The following LRRTM4 variants were observed in gnomAD, a reference collection of about 807,000 sequenced individuals.
LRRTM4 encodes leucine-rich repeat transmembrane neuronal protein 4.
A neutral mutation model predicts 47.6 loss-of-function variants in LRRTM4; 25 were observed. That is an observed-to-expected ratio of 0.53 (90% CI 0.38 to 0.73). The LOEUF (loss-of-function observed/expected upper bound fraction) is 0.73. Among genes scored for constraint, LRRTM4 ranks in the 30% least tolerant of loss-of-function variants. LRRTM4 has a pLI of 0.00. For missense variants in LRRTM4, 638 were observed against 713.4 expected, an observed-to-expected ratio of 0.89 and a Z score of 1.20; for synonymous variants, 311 against 269.5, an observed-to-expected ratio of 1.15 and a Z score of -1.51.
intron 3 of LRRTM4, among the ~76,000 whole-genome samples, chr2:76,929,621 G>C (rs898733102): frequency 6.6e-6 from 1 of 152,104 alleles, no homozygotes; most frequent in Non-Finnish European, 1.5e-5. Context: ...AAGTGAGAGA[G>C]TAGACATGTT....
intron 3 of LRRTM4, among the ~76,000 whole-genome samples, chr2:77,329,026 G>A (rs1218394249): frequency 1.3e-5 from 2 of 152,130 alleles, no homozygotes; most frequent in East Asian, 1.9e-4. Flanking sequence ...GATTTCATGC[G>A]TCTTGTCCGA....
chr2:77,378,968 T>C (rs149663008), intron 3 of LRRTM4, among the ~76,000 whole-genome samples: 1 of 152,304 alleles, frequency 6.6e-6, no homozygotes, highest in Admixed American at 6.5e-5. Context: ...TCATTATCAC[T>C]GAAAATGTTT....
intron 3 of LRRTM4, among the ~76,000 whole-genome samples, chr2:76,823,494 G>T (rs918701458): frequency 1.3e-5 from 2 of 151,280 alleles, no homozygotes; most frequent in African/African-American, 2.4e-5. Flanking sequence ...ATGCAGTAAG[G>T]ATAAGTCATT....
intron 3 of LRRTM4, among the ~76,000 whole-genome samples, chr2:76,917,576 T>A (rs2103798675): frequency 6.6e-6 from 1 of 152,246 alleles, no homozygotes; most frequent in East Asian, 1.9e-4. Context: ...CCCTGCAAGG[T>A]CACCGAGTAC....
chr2:76,940,363 A>G (rs1675094026), intron 3 of LRRTM4, among the ~76,000 whole-genome samples: 1 of 152,180 alleles, frequency 6.6e-6, no homozygotes, highest in Admixed American at 6.5e-5. Context: ...AGAGGCCACT[A>G]TACTTAGCAA....
chr2:76,912,620 T>A (rs1010515294), intron 3 of LRRTM4, among the ~76,000 whole-genome samples: 1 of 152,182 alleles, frequency 6.6e-6, no homozygotes, highest in African/African-American at 2.4e-5. Context: ...CCTGATATGG[T>A]TTGGATCTGT....
intron 3 of LRRTM4, among the ~76,000 whole-genome samples, chr2:76,989,510 G>A (rs1410210041): frequency 6.6e-6 from 1 of 151,846 alleles, no homozygotes; most frequent in Non-Finnish European, 1.5e-5. Context: ...ACTTTTGTTA[G>A]TATGAAATCA....
At chr2:77,411,179 C>T (rs928594694) in intron 3 of LRRTM4, among the ~76,000 whole-genome samples, 26 of 152,050 alleles carry the variant, frequency 1.7e-4, no homozygotes, top group Admixed American at 1.6e-3. Flanking sequence ...TTTTCCGTAC[C>T]TTCGCCTGGT....
rs750408941 is a variant in LRRTM4 at position 76,934,563 on chromosome 2, C to A, written c.1552-185647G>T. Among the ~76,000 whole-genome samples the A allele has an allele frequency of 1.3e-3, 194 of 152,242 alleles. 1 individual carries two copies. The highest frequency in any genetic ancestry group is 1.7e-3 in the Non-Finnish European group (117 of 68,008). ...TCCAGGCAAAAAAATTTAAAAAGCC[C>A]TGATCTATAGCAGTTGTCAATTTGC... On this transcript the variant is annotated intron_variant, in intron 3 of 3. Coordinates refer to ENST00000409884, the MANE Select transcript of LRRTM4 (RefSeq NM_001134745.3).
At chr2:76,806,767 A>G (rs1018659667) in intron 3 of LRRTM4, among the ~76,000 whole-genome samples, 4 of 152,136 alleles carry the variant, frequency 2.6e-5, no homozygotes, top group Non-Finnish European at 4.4e-5. Context: ...AGAAAATGAC[A>G]GTTTATCAAT....
intron 3 of LRRTM4, among the ~76,000 whole-genome samples, chr2:77,434,752 G>A (rs1054553530): frequency 9.2e-5 from 14 of 152,120 alleles, no homozygotes; most frequent in African/African-American, 3.4e-4. Flanking sequence ...AGTCAGTAAA[G>A]CATAGTGATT....
chr2:77,049,209 A>G (rs1448755196), intron 3 of LRRTM4, among the ~76,000 whole-genome samples: 2 of 144,086 alleles, frequency 1.4e-5, no homozygotes, highest in East Asian at 2.1e-4. Flanking sequence ...TTGATAGGCA[A>G]CTTAGGTTCA....
intron 3 of LRRTM4, among the ~76,000 whole-genome samples, chr2:77,503,119 A>G (rs1354952628): frequency 6.6e-6 from 1 of 151,532 alleles, no homozygotes. Context: ...TTAAATAAAT[A>G]ATGGAGGATG....
chr2:77,381,967 T>C (rs905197251), intron 3 of LRRTM4, among the ~76,000 whole-genome samples: 2 of 152,088 alleles, frequency 1.3e-5, no homozygotes, highest in Non-Finnish European at 2.9e-5. Context: ...AGTTTTTCAA[T>C]TGGGATATTA....
chr2:76,997,489 G>T (rs1007312556), intron 3 of LRRTM4, among the ~76,000 whole-genome samples: 1 of 152,040 alleles, frequency 6.6e-6, no homozygotes, highest in Admixed American at 6.6e-5. Context: ...CCCTAAAATG[G>T]TGTGACAAAA....
Position 76,813,597 on chromosome 2 carries a change from T to A in LRRTM4, c.1552-64681A>T, listed in dbSNP as rs190303084. 4.9e-4 allele frequency among the ~76,000 whole-genome samples: 74 copies of A among 152,138 alleles called. 2 individuals carry two copies. The East Asian group carries it at 0.013, about 27-fold the overall frequency. Reference sequence around the variant, plus strand: ...AATTCATGCGAACAGTAAAAAAAAATAATCTCAGACAGTACAAAATGATGA... The same window carrying A: ...AATTCATGCGAACAGTAAAAAAAAAAAATCTCAGACAGTACAAAATGATGA... On this transcript the variant is annotated intron_variant, in intron 3 of 3. Transcript: ENST00000409884.
intron 3 of LRRTM4, among the ~76,000 whole-genome samples, chr2:76,782,511 CTA>C: frequency 6.6e-6 from 1 of 152,138 alleles, no homozygotes. Flanking sequence ...CAGGAGGTGA[CTA>C]TGAATTATTA....
intron 3 of LRRTM4, among the ~76,000 whole-genome samples, chr2:77,232,257 A>G (rs909804460): frequency 2.6e-5 from 4 of 152,356 alleles, no homozygotes; most frequent in Non-Finnish European, 5.9e-5. Context: ...TATTTTCCCA[A>G]GTCATCAACA....
At chr2:76,907,710 A>C (rs1269213961) in intron 3 of LRRTM4, among the ~76,000 whole-genome samples, 1 of 117,738 alleles carries the variant, frequency 8.5e-6, no homozygotes, top group Non-Finnish European at 1.7e-5. Context: ...GAATACTACA[A>C]ACACCTCTAC....
Sources: gnomAD v4.1 joint callset for allele counts (sites outside exome capture counted in the v4.1 genomes callset) on GRCh38, gnomAD v4.1.1 for gene constraint, MANE v1.5 for transcripts, NCBI Gene and HGNC (gene_info 2026-07-23, HGNC 2026-07-21) for gene names.